Variants in NMI observed in about 807,000 individuals in gnomAD.
The protein encoded by NMI is N-myc-interactor.
A neutral mutation model predicts 34.3 loss-of-function variants in NMI; 39 were observed. That is an observed-to-expected ratio of 1.14 (90% CI 0.88 to 1.49). The LOEUF is 1.49. NMI is among the 40% of genes most tolerant of loss of function. The pLI is 0.00. For missense variants in NMI, 339 were observed against 358.1 expected (o/e 0.95, Z 0.43); for synonymous variants, 113 against 120.3 (o/e 0.94, Z 0.40).
chr2:151,289,232 G>A (rs1246364040), intron 1 of NMI, among the ~76,000 whole-genome samples: 1 of 120,270 alleles, frequency 8.3e-6, no homozygotes, highest in Non-Finnish European at 1.6e-5. Context: ...CAGCCTGAGC[G>A]ACAGAGCGAG....
At chr2:151,279,259 G>A (rs1558876233) in intron 3 of NMI, among the ~76,000 whole-genome samples, 1 of 152,050 alleles carries the variant, frequency 6.6e-6, no homozygotes, top group African/African-American at 2.4e-5. Flanking sequence ...TGTTTAAACT[G>A]TCAATATTGT....
intron 4 of NMI, 44 bp from the exon 5 acceptor site, chr2:151,275,908 A>G: frequency 8.2e-7 from 1 of 1,225,660 alleles, no homozygotes. Context: ...CCAATATTTT[A>G]AGAATTGTTA....
In NMI at chr2:151,270,809, C is replaced by T; in HGVS notation, c.808G>A (p.Glu270Lys). The stretch of plus-strand genomic sequence containing the variant: ...ATGTTAATTAAATCCTCCACAATTT[C>T]TTCATCCATTTGAATGCCTTCCATT... ...TGMEGIQMDEEIVEDLINIHF... is the reference protein window; with the variant it reads ...TGMEGIQMDEKIVEDLINIHF... Residue 270 changes from glutamate to lysine, a missense_variant, in exon 8 of 8, where the codon GAA becomes AAA. Coordinates refer to ENST00000243346, the MANE Select transcript of NMI (RefSeq NM_004688.3). The T allele has an allele frequency of 6.2e-7, 1 of 1,613,940 alleles. No individual in the cohort carries two copies. Among genetic ancestry groups the T allele is most frequent in the Non-Finnish European group, 8.5e-7 (1 of 1,179,870 alleles).
intron 2 of NMI, 74 bp downstream of exon 2, chr2:151,282,794 T>C: frequency 1.3e-6 from 1 of 776,382 alleles, no homozygotes; most frequent in Non-Finnish European, 2.0e-6. Flanking sequence ...GACAAAGACA[T>C]ACAAAACATG....
chr2:151,286,875 C>A (rs143835658), intron 1 of NMI, among the ~76,000 whole-genome samples: 2,262 of 152,314 alleles, frequency 0.015, 33 homozygotes, highest in South Asian at 0.023. Context: ...CCCCATTGTG[C>A]AGTATCATCA....
At chr2:151,276,133 A>G (rs528904723) in intron 4 of NMI, among the ~76,000 whole-genome samples, 1 of 152,152 alleles carries the variant, frequency 6.6e-6, no homozygotes, top group South Asian at 2.1e-4. Context: ...GCTCACTGTA[A>G]CCTCAAACTC....
chr2:151,282,954 C>G lies in NMI; in HGVS notation c.-6G>C. Reference sequence around the variant, plus strand: ...TCATCTTTATCAGCTTCCATGATCCCCTAATATTATAAAAAATAAATATTA... The same window carrying G: ...TCATCTTTATCAGCTTCCATGATCCGCTAATATTATAAAAAATAAATATTA... On this transcript the variant is annotated splice_region_variant and 5_prime_UTR_variant, in exon 2 of 8. Coordinates refer to ENST00000243346, the MANE Select transcript of NMI (RefSeq NM_004688.3). 1 of 1,424,706 alleles carries G rather than the reference C, an allele frequency of 7.0e-7. No homozygotes were observed. 88.3% of individuals were successfully genotyped at this position (1,424,706 alleles called of 1,614,324 possible).
rs759436105 is a variant in NMI, at chr2:151,270,783, AATGTT to A, written c.829_833del (p.Asn277SerfsTer28). 5 of 1,613,780 alleles carry A rather than the reference AATGTT, an allele frequency of 3.1e-6. No individual in the cohort carries two copies. The East Asian group carries it at 8.9e-5, about 29-fold the overall frequency. On this transcript the variant is annotated frameshift_variant, in exon 8 of 8. Transcript: ENST00000243346. LOFTEE classifies it high-confidence loss of function. ...CTCCATTCTTTGCCCGTTGAAAGTG[AATGTT>A]AATTAAATCCTCCACAATTTCTTCA...
intron 1 of NMI, among the ~76,000 whole-genome samples, chr2:151,286,399 C>T (rs1683497113): frequency 6.6e-6 from 1 of 152,162 alleles, no homozygotes; most frequent in Admixed American, 6.5e-5. Context: ...GACCTCACAA[C>T]TAAGTAGAAA....
chr2:151,288,591 G>A (rs1430130761), intron 1 of NMI, among the ~76,000 whole-genome samples: 1 of 151,980 alleles, frequency 6.6e-6, no homozygotes, highest in Non-Finnish European at 1.5e-5. Context: ...GTGTGTGCGC[G>A]CGCGCGCGCG....
chr2:151,274,767 G>A (rs1558874642), intron 6 of NMI, among the ~76,000 whole-genome samples: 1 of 149,542 alleles, frequency 6.7e-6, no homozygotes, highest in Non-Finnish European at 1.5e-5. Flanking sequence ...TGAGCCACCG[G>A]GCCCGGCCGA....
intron 3 of NMI, among the ~76,000 whole-genome samples, chr2:151,280,933 C>A (rs1187357274): frequency 3.3e-5 from 5 of 151,958 alleles, no homozygotes; most frequent in Non-Finnish European, 7.4e-5. Flanking sequence ...ACCTCCGCCT[C>A]CCAGGTTCAA....
In NMI at chr2:151,271,563, T is replaced by C. The variant is rs181048643; in HGVS notation, c.741+63A>G. The C allele has an allele frequency of 4.3e-4, 367 of 849,348 alleles. No individual in the cohort carries two copies. In the African/African-American group the frequency reaches 5.8e-3, roughly 13 times the overall value. 52.6% of individuals were successfully genotyped at this position (849,348 alleles called of 1,614,324 possible). A position where few individuals can be genotyped will look rare whatever the true frequency, so the allele number is the denominator to read the frequency against. On this transcript the variant is annotated intron_variant, in intron 7 of 7. Transcript: ENST00000243346. Reference sequence around the variant, plus strand: ...ATAAGTAACAGACTCACAACAACTTTATTTTTTGTGGGGTGGGTTTGGGCA... The same window carrying C: ...ATAAGTAACAGACTCACAACAACTTCATTTTTTGTGGGGTGGGTTTGGGCA...
intron 7 of NMI, 32 bp from the exon 8 acceptor site, chr2:151,270,907 T>A: frequency 6.6e-7 from 1 of 1,517,880 alleles, no homozygotes; most frequent in Non-Finnish European, 9.1e-7. Context: ...ATAGAAAGAT[T>A]TCTAAGAGCT....
At chr2:151,280,540 G>A (rs1167375435) in intron 3 of NMI, among the ~76,000 whole-genome samples, 1 of 152,190 alleles carries the variant, frequency 6.6e-6, no homozygotes, top group African/African-American at 2.4e-5. Context: ...TGAGGAGCAA[G>A]GGCTTTCTGA....
Position 151,278,947 on chromosome 2 carries a change from A to G in NMI, c.221T>C (p.Val74Ala). 1 of 1,610,790 alleles carries G rather than the reference A, an allele frequency of 6.2e-7. No homozygotes were observed. Residue 74 changes from valine (V) to alanine (A), a missense_variant, in exon 4 of 8, where the codon GTT becomes GCT. By Grantham distance (64) the Val-to-Ala change is moderately conservative. Transcript: ENST00000243346. ...CTGGCTGTCATTCTCAGGAGTTTCA[A>G]CTGATAAGAATTTCATCTTTGTTTC... is the stretch of plus-strand genomic sequence containing the variant. ...IPETKMKFLS[V>A]ETPENDSQLS...
chr2:151,277,561 G>T (rs1683311649), intron 4 of NMI: 1 of 152,210 alleles, frequency 6.6e-6, no homozygotes, highest in African/African-American at 2.4e-5. Flanking sequence ...CCAGGAAATT[G>T]CTGTGCAGAA....
chr2:151,279,008 G>A lies in NMI; in HGVS notation c.178-18C>T. 6.5e-7 allele frequency: 1 copy of A among 1,528,452 alleles called. No individual in the cohort carries two copies. Among genetic ancestry groups the A allele is most frequent in the South Asian group, 1.2e-5 (1 of 85,742 alleles). The allele number at this position is 1,528,452 out of a possible 1,614,324, so 94.7% of individuals were successfully genotyped here. ...TCTTTAATCTAATCCAAATGAAAAT[G>A]TTTGATTAAAATCAAGACGAGAAAT... On this transcript the variant is annotated intron_variant, in intron 3 of 7. Transcript: ENST00000243346.
intron 6 of NMI, among the ~76,000 whole-genome samples, chr2:151,274,005 A>G (rs1485927190): frequency 1.3e-5 from 2 of 152,048 alleles, no homozygotes; most frequent in East Asian, 1.9e-4. Flanking sequence ...TCCCTGACAC[A>G]TCCCACCAGG....
Sources: gnomAD v4.1 joint callset for allele counts (sites outside exome capture counted in the v4.1 genomes callset) on GRCh38, gnomAD v4.1.1 for gene constraint, MANE v1.5 for transcripts, NCBI Gene and HGNC (gene_info 2026-07-23, HGNC 2026-07-21) for gene names.